The following CCDC158 variants were observed in gnomAD, a reference collection of about 807,000 sequenced individuals.
CCDC158 encodes the protein coiled-coil domain-containing protein 158.
A neutral mutation model predicts 138.6 loss-of-function variants in CCDC158; 116 were observed. The ratio of observed to expected loss-of-function variants is 0.84; its 90% CI spans 0.72 to 0.98. The LOEUF is 0.98. Among genes scored for constraint, CCDC158 ranks in the 50% least tolerant of loss-of-function variants. CCDC158 has a pLI of 0.00. For synonymous variants in CCDC158, 436 were observed against 442.4 expected (o/e 0.99, Z 0.18); for missense variants, 1,265 against 1,306.1 (o/e 0.97, Z 0.48).
intron 18 of CCDC158, among the ~76,000 whole-genome samples, chr4:76,342,275 A>G (rs1039096451): frequency 1.3e-5 from 2 of 152,150 alleles, no homozygotes; most frequent in Non-Finnish European, 2.9e-5. Flanking sequence ...CCTGGTCTCA[A>G]GCAACCCTCC....
At chr4:76,349,735 T>C (rs1722881586) in intron 18 of CCDC158, among the ~76,000 whole-genome samples, 2 of 152,198 alleles carry the variant, frequency 1.3e-5, no homozygotes, top group South Asian at 4.1e-4. Flanking sequence ...AGCTAATGAC[T>C]AGTACTTTTT....
chr4:76,404,485 A>G (rs1169187822), intron 2 of CCDC158, among the ~76,000 whole-genome samples: 4 of 152,220 alleles, frequency 2.6e-5, no homozygotes, highest in African/African-American at 7.2e-5. Flanking sequence ...CTGAATTAGA[A>G]ATGTAAAGCC....
In CCDC158 at chr4:76,403,152, A is replaced by G; in HGVS notation, c.56T>C (p.Val19Ala). 1 of 1,605,430 alleles carries G rather than the reference A, an allele frequency of 6.2e-7. No individual in the cohort carries two copies. Among genetic ancestry groups the G allele is most frequent in the Non-Finnish European group, 8.5e-7 (1 of 1,175,834 alleles). Residue 19 changes from valine (V) to alanine (A), a missense_variant, in exon 3 of 25, where the codon GTC becomes GCC. Physicochemically the swap from Val to Ala is moderately conservative, Grantham distance 64. Coordinates refer to ENST00000682701, the MANE Select transcript of CCDC158 (RefSeq NM_001394954.1). The stretch of plus-strand genomic sequence containing the variant: ...ACAGCACATACCTCCATTAGATGTG[A>G]CACCACTACTTGATAAAAGATCTTC... ...NNEDLLSSSGVTSNGGSSSSF... is the reference protein window; with the variant it reads ...NNEDLLSSSGATSNGGSSSSF...
At chr4:76,383,901 C>T (rs917255410) in intron 6 of CCDC158, among the ~76,000 whole-genome samples, 163 bp from the exon 7 acceptor site, 2 of 152,162 alleles carry the variant, frequency 1.3e-5, no homozygotes, top group African/African-American at 4.8e-5. Flanking sequence ...TTTGTCTATA[C>T]TCTCATGAAG....
chr4:76,401,280 C>T (rs1209177602), intron 3 of CCDC158: 6 of 482,532 alleles, frequency 1.2e-5, no homozygotes, highest in Non-Finnish European at 2.5e-5. Context: ...ACCCATCAGA[C>T]TTTCTATAAA....
chr4:76,418,679 G>C (rs1579130864), intron 1 of CCDC158, among the ~76,000 whole-genome samples: 1 of 152,126 alleles, frequency 6.6e-6, no homozygotes, highest in African/African-American at 2.4e-5. Context: ...ATCTTGTGAG[G>C]CTTATTCACT....
intron 17 of CCDC158, 33 bp from the exon 18 acceptor site, chr4:76,351,154 T>C (rs1308866593): frequency 6.4e-7 from 1 of 1,572,346 alleles, no homozygotes; most frequent in Non-Finnish European, 8.6e-7. Flanking sequence ...GCAAAATAAC[T>C]GCCAGCCTAC....
chr4:76,394,049 G>A (rs112984231), intron 4 of CCDC158, among the ~76,000 whole-genome samples: 4,484 of 152,134 alleles, frequency 0.029, 220 homozygotes, highest in African/African-American at 0.1. Context: ...AATTAGTACA[G>A]CCACTATAAA....
intron 18 of CCDC158, among the ~76,000 whole-genome samples, chr4:76,336,676 CATAA>C (rs1721541315): frequency 6.6e-6 from 1 of 152,156 alleles, no homozygotes; most frequent in Non-Finnish European, 1.5e-5. Flanking sequence ...AAGAAACAAG[CATAA>C]CATAACCTTG....
rs1720221607 is a variant in CCDC158, at chr4:76,323,385, G to A, written c.3194C>T (p.Thr1065Ile). Residue 1065 changes from threonine (T) to isoleucine (I), a missense_variant, in exon 24 of 25, where the codon ACA (threonine) becomes ATA (isoleucine). Coordinates refer to ENST00000682701, the MANE Select transcript of CCDC158 (RefSeq NM_001394954.1). ...VKDSQSPPIETTGKTCRKLQN... is the reference protein window; with the variant it reads ...VKDSQSPPIEITGKTCRKLQN... ...AAGCTTCCTGCATGTTTTTCCTGTT[G>A]TTTCTATTGGCGGAGACTGTGAATC... 5 of 1,611,334 alleles carry A rather than the reference G, an allele frequency of 3.1e-6. No homozygotes were observed. In the South Asian group the frequency reaches 5.5e-5, roughly 18 times the overall value.
chr4:76,396,468 A>T lies in CCDC158; in HGVS notation c.89T>A (p.Phe30Tyr). 1 of 1,605,166 alleles carries T rather than the reference A, an allele frequency of 6.2e-7. No individual in the cohort carries two copies. Among genetic ancestry groups the T allele is most frequent in the Non-Finnish European group, 8.5e-7 (1 of 1,177,624 alleles). ...TATTGTACCACGAATAGATGACACA[A>T]AAAATGAACTTGAAGAACCTAAATA... ...TSNGGSSSSF[F>Y]VSSIRGTIIE... is the part of the protein sequence containing the mutation. Residue 30 changes from phenylalanine to tyrosine, a missense_variant, in exon 4 of 25, where the codon TTT becomes TAT. Transcript: ENST00000682701.
Position 76,345,744 on chromosome 4 carries a change from CACAA to C in CCDC158, c.2664+5248_2664+5251del, listed in dbSNP as rs1315826527. On this transcript the variant is annotated intron_variant, in intron 18 of 24. Coordinates refer to ENST00000682701, the MANE Select transcript of CCDC158 (RefSeq NM_001394954.1). Reference sequence around the variant, plus strand: ...TTTCTACAAATCTTAAAAAAGAGGACACAAACAAATGGAAAAATATTTGATGCTC... The same window carrying C: ...TTTCTACAAATCTTAAAAAAGAGGACACAAATGGAAAAATATTTGATGCTC... Among the ~76,000 whole-genome samples, 6 of 152,044 alleles carry C rather than the reference CACAA, an allele frequency of 3.9e-5. No individual in the cohort carries two copies. In the East Asian group the frequency reaches 1.2e-3, roughly 29 times the overall value.
chr4:76,366,188 A>C (rs577226481), intron 12 of CCDC158, among the ~76,000 whole-genome samples: 1 of 152,224 alleles, frequency 6.6e-6, no homozygotes, highest in East Asian at 1.9e-4. Flanking sequence ...TAAGGGTTTC[A>C]TTGTAGGGCT....
chr4:76,383,884 CT>C (rs1726516681), intron 6 of CCDC158, 146 bp from the exon 7 acceptor site: 8 of 712,678 alleles, frequency 1.1e-5, no homozygotes, highest in Non-Finnish European at 1.9e-5. Context: ...TTTATTAGAT[CT>C]TTTACTTTGT....
intron 2 of CCDC158, among the ~76,000 whole-genome samples, chr4:76,408,274 T>C (rs1486709606): frequency 6.6e-6 from 1 of 152,016 alleles, no homozygotes; most frequent in Non-Finnish European, 1.5e-5. Context: ...GCTATGTTGG[T>C]GAGCTGCACC....
chr4:76,330,648 G>A (rs1720927352), intron 21 of CCDC158, among the ~76,000 whole-genome samples: 1 of 151,990 alleles, frequency 6.6e-6, no homozygotes. Context: ...CTTTTTTCTT[G>A]TCATTATTCC....
intron 18 of CCDC158, among the ~76,000 whole-genome samples, chr4:76,346,669 C>G (rs1486289785): frequency 6.6e-6 from 1 of 152,166 alleles, no homozygotes; most frequent in Admixed American, 6.5e-5. Flanking sequence ...AAGATCATGT[C>G]ACTGCACTCT....
intron 9 of CCDC158, among the ~76,000 whole-genome samples, chr4:76,378,260 T>C (rs1725898977): frequency 6.6e-6 from 1 of 152,196 alleles, no homozygotes; most frequent in African/African-American, 2.4e-5. Flanking sequence ...TCTGGAAGAA[T>C]TCGTGCTGCA....
At chr4:76,406,985 TA>T (rs1269995520) in intron 2 of CCDC158, among the ~76,000 whole-genome samples, 1 of 151,976 alleles carries the variant, frequency 6.6e-6, no homozygotes, top group Non-Finnish European at 1.5e-5. Flanking sequence ...GAAATTAAGA[TA>T]GAAAAAAGAA....
Sources: allele counts gnomAD v4.1 joint callset (sites outside exome capture counted in the v4.1 genomes callset), GRCh38; gene constraint gnomAD v4.1.1; transcripts MANE v1.5; gene names NCBI Gene and HGNC (gene_info 2026-07-23, HGNC 2026-07-21).